Variants in PSMC1 observed in about 807,000 individuals in gnomAD.
The protein encoded by PSMC1 is 26S proteasome regulatory subunit 4.
Under a neutral mutation model 49.8 loss-of-function variants are expected in PSMC1, and 5 were observed. The ratio of observed to expected loss-of-function variants is 0.10; its 90% CI spans 0.05 to 0.21. The LOEUF is 0.21. Among genes scored for constraint, PSMC1 ranks in the 10% least tolerant of loss-of-function variants. The pLI is 1.00. For synonymous variants in PSMC1, 155 were observed against 192.1 expected (o/e 0.81, Z 1.60); for missense variants, 181 against 535.7 (o/e 0.34, Z 6.54).
intron 1 of PSMC1, among the ~76,000 whole-genome samples, chr14:90,256,804 G>A (rs1166164589): frequency 6.6e-6 from 1 of 152,208 alleles, no homozygotes; most frequent in African/African-American, 2.4e-5. Context: ...GGCCTTGCCC[G>A]GGGATCCTGG....
Position 90,259,210 on chromosome 14 carries a change from C to T in PSMC1, c.54C>T (p.Asp18=). The T allele has an allele frequency of 6.2e-7, 1 of 1,613,638 alleles. No individual in the cohort carries two copies. The highest frequency in any genetic ancestry group is 1.1e-5 in the South Asian group (1 of 91,026). Residue 18 remains aspartate (D), a synonymous_variant, in exon 2 of 11, where the codon GAC becomes GAT. Coordinates refer to ENST00000261303, the MANE Select transcript of PSMC1 (RefSeq NM_002802.3). The part of the protein sequence containing the change: ...GHGPGGGKKD[D]KDKKKKYEPP... The stretch of plus-strand genomic sequence containing the variant: ...GTCCTGGAGGTGGCAAGAAGGATGA[C>T]AAGGTAAATATGCCAGATTTGTCCT...
chr14:90,262,040 A>G (rs1428876610), intron 3 of PSMC1, among the ~76,000 whole-genome samples: 7 of 151,060 alleles, frequency 4.6e-5, no homozygotes, highest in African/African-American at 1.5e-4. Flanking sequence ...TGAGCAAGCT[A>G]TTGTAAGGAC....
rs1490611883 is a variant in PSMC1 at position 90,273,607 on chromosome 14, TA to T, written c.*1201del. The T allele has an allele frequency of 6.6e-6, 1 of 152,418 alleles. No homozygotes were observed. Among genetic ancestry groups the T allele is most frequent in the Non-Finnish European group, 1.5e-5 (1 of 68,190 alleles). 9.4% of individuals were successfully genotyped at this position (152,418 alleles called of 1,614,324 possible). ...AAACCACAATTTTATCTCAGTTCTG[TA>T]GGTCAGAAGTCCAACACGAGTGTCT... is the stretch of plus-strand genomic sequence containing the variant. On this transcript the variant is annotated 3_prime_UTR_variant, in exon 11 of 11. Transcript: ENST00000261303.
In PSMC1 at chr14:90,269,376, TC is replaced by T; in HGVS notation, c.882-18del. The T allele has an allele frequency of 3.2e-6, 5 of 1,557,110 alleles. No individual in the cohort carries two copies. The highest frequency in any genetic ancestry group is 2.4e-5 in the East Asian group (1 of 42,092). ...GGCGATCAGTTGAGTCTTCATTCCT[TC>T]CCTTTTTTTTTTTCCAAAGATATGA... On this transcript the variant is annotated intron_variant, in intron 8 of 10. Coordinates refer to ENST00000261303, the MANE Select transcript of PSMC1 (RefSeq NM_002802.3).
In PSMC1 at chr14:90,264,142, G is replaced by A. The variant is rs1344485939; in HGVS notation, c.567G>A (p.Gly189=). The A allele has an allele frequency of 3.5e-5, 57 of 1,611,740 alleles. No individual in the cohort carries two copies. Among genetic ancestry groups the A allele is most frequent in the Non-Finnish European group, 4.7e-5 (55 of 1,179,540 alleles). The part of the protein sequence containing the change: ...APQETYADIG[G]LDNQIQEIKE... ...AGGAGACCTATGCAGATATTGGGGG[G>A]TTGGACAACCAAATTCAGGAAATTA... Residue 189 remains glycine, a synonymous_variant, in exon 6 of 11, where the codon GGG becomes GGA. Transcript: ENST00000261303.
At chr14:90,268,644 G>A (rs1188101626) in intron 8 of PSMC1, 6 of 465,786 alleles carry the variant, frequency 1.3e-5, no homozygotes, top group Admixed American at 3.8e-5. Flanking sequence ...TTGAGCACCC[G>A]CCCTGATCCA....
At position 90,272,930 on chromosome 14, in the gene PSMC1, T is replaced by C. The variant is rs1243020232; in HGVS notation, c.*523T>C. ...GAAGTTTTGTGGACCATGCATGTTC[T>C]TAGCACTCTGAGGGCAGAAAATAAC... On this transcript the variant is annotated 3_prime_UTR_variant, in exon 11 of 11. Transcript: ENST00000261303. The surrounding 1 kb of genome is among the most constrained non-coding windows in gnomAD (Gnocchi z 4.5). 6.6e-6 allele frequency: 1 copy of C among 152,404 alleles called. No individual in the cohort carries two copies. Among genetic ancestry groups the C allele is most frequent in the Non-Finnish European group, 1.5e-5 (1 of 68,162 alleles). The allele number at this position is 152,404 out of a possible 1,614,324, so 9.4% of individuals were successfully genotyped here. A position where few individuals can be genotyped will look rare whatever the true frequency, so the allele number is the denominator to read the frequency against.
rs766842491 is a variant in PSMC1, at chr14:90,263,729, T to C, written c.347T>C (p.Ile116Thr). 4 of 1,611,826 alleles carry C rather than the reference T, an allele frequency of 2.5e-6. No homozygotes were observed. The highest frequency in any genetic ancestry group is 1.1e-5 in the South Asian group (1 of 91,038). Reference protein sequence around the residue: ...PMSVGTLEEIIDDNHAIVSTS... With the variant: ...PMSVGTLEEITDDNHAIVSTS... Reference sequence around the variant, plus strand: ...TCAGTAGGAACCTTGGAAGAGATCATTGATGACAATCATGCCATCGTGTCT... The same window carrying C: ...TCAGTAGGAACCTTGGAAGAGATCACTGATGACAATCATGCCATCGTGTCT... Residue 116 changes from isoleucine (I) to threonine (T), a missense_variant, in exon 5 of 11, where the codon ATT becomes ACT. Physicochemically the swap from Ile to Thr is moderately conservative, Grantham distance 89. This residue lies in a region of PSMC1 where 121 missense variants were observed against 358.6 expected (regional missense o/e 0.34). Coordinates refer to ENST00000261303, the MANE Select transcript of PSMC1 (RefSeq NM_002802.3).
intron 10 of PSMC1, chr14:90,271,357 C>G (rs1325148374): frequency 3.3e-5 from 5 of 152,144 alleles, no homozygotes; most frequent in African/African-American, 1.2e-4. Flanking sequence ...CTGTCCTTCT[C>G]TATCTATTTC....
At chr14:90,257,328 G>A (rs1891314094) in intron 1 of PSMC1, among the ~76,000 whole-genome samples, 2 of 152,106 alleles carry the variant, frequency 1.3e-5, no homozygotes, top group Non-Finnish European at 2.9e-5. Context: ...TCAGAAATAT[G>A]TAATATGATG....
chr14:90,269,535 A>C lies in PSMC1; in HGVS notation c.1020A>C (p.Ala340=). The C allele has an allele frequency of 6.2e-7, 1 of 1,613,850 alleles. No individual in the cohort carries two copies. Among genetic ancestry groups the C allele is most frequent in the African/African-American group, 1.3e-5 (1 of 75,046 alleles). Residue 340 remains alanine, a synonymous_variant, in exon 9 of 11, where the codon GCA becomes GCC. Transcript: ENST00000261303. ...ACCGAATAGAAACTTTGGATCCAGC[A>C]CTTATCAGACCAGGTTAAATTTGCT... ...ATNRIETLDP[A]LIRPGRIDRK... is the part of the protein sequence containing the mutation.
chr14:90,258,866 C>T (rs1271021098), intron 1 of PSMC1, among the ~76,000 whole-genome samples: 1 of 152,196 alleles, frequency 6.6e-6, no homozygotes, highest in Non-Finnish European at 1.5e-5. Flanking sequence ...GATCTTAAGA[C>T]TCTCAGCCTC....
chr14:90,264,430 T>C (rs74594609), intron 6 of PSMC1, among the ~76,000 whole-genome samples: 1,795 of 152,328 alleles, frequency 0.012, 41 homozygotes, highest in African/African-American at 0.041. Context: ...TGTGTGAATA[T>C]GTAATGTTTC....
At position 90,273,579 on chromosome 14, in the gene PSMC1, T is replaced by TA. The variant is rs1394056599; in HGVS notation, c.*1177dup. The TA allele has an allele frequency of 2.0e-5, 3 of 152,098 alleles. No individual in the cohort carries two copies. Among genetic ancestry groups the TA allele is most frequent in the South Asian group, 2.1e-4 (1 of 4,820 alleles). The allele number at this position is 152,098 out of a possible 1,614,324, so 9.4% of individuals were successfully genotyped here. A position where few individuals can be genotyped will look rare whatever the true frequency, so the allele number is the denominator to read the frequency against. On this transcript the variant is annotated 3_prime_UTR_variant, in exon 11 of 11. Coordinates refer to ENST00000261303, the MANE Select transcript of PSMC1 (RefSeq NM_002802.3). The stretch of plus-strand genomic sequence containing the variant: ...TCTCAAAAATAAATAAATAAATAAA[T>TA]AAAAACCACAATTTTATCTCAGTTC...
chr14:90,272,077 A>T lies in PSMC1; in HGVS notation c.1189-196A>T. 1 of 419,136 alleles carries T rather than the reference A, an allele frequency of 2.4e-6. No homozygotes were observed. The highest frequency in any genetic ancestry group is 4.4e-6 in the Non-Finnish European group (1 of 226,322). 26.0% of individuals were successfully genotyped at this position (419,136 alleles called of 1,614,324 possible). ...CTGGCTAACTTTTTGTATTTTTAGT[A>T]GAGATGGGGTTTCACCGTGTTGGCC... is the stretch of plus-strand genomic sequence containing the variant. On this transcript the variant is annotated intron_variant, in intron 10 of 10. Coordinates refer to ENST00000261303, the MANE Select transcript of PSMC1 (RefSeq NM_002802.3). This position sits in a 1 kb window ranked among gnomAD's most constrained non-coding sequence, Gnocchi z 4.5.
chr14:90,265,759 T>G (rs535836190), intron 7 of PSMC1, among the ~76,000 whole-genome samples: 2 of 150,142 alleles, frequency 1.3e-5, no homozygotes, highest in East Asian at 3.9e-4. Flanking sequence ...TCCAAGAGGC[T>G]GAGGTAGGAG....
chr14:90,266,026 C>T (rs755421785), intron 7 of PSMC1, among the ~76,000 whole-genome samples: 4 of 151,980 alleles, frequency 2.6e-5, no homozygotes, highest in African/African-American at 9.7e-5. Context: ...GAGGTCAAGG[C>T]GGATGGATGA....
chr14:90,262,308 T>C (rs1241451277), intron 3 of PSMC1, among the ~76,000 whole-genome samples: 1 of 151,478 alleles, frequency 6.6e-6, no homozygotes, highest in East Asian at 1.9e-4. Context: ...AATAATAAAA[T>C]TAAAAAAATA....
chr14:90,256,908 G>A (rs1001133627), intron 1 of PSMC1, among the ~76,000 whole-genome samples: 1 of 152,204 alleles, frequency 6.6e-6, no homozygotes, highest in African/African-American at 2.4e-5. Context: ...CGCCGACCAG[G>A]GCTTTGCTGA....
Sources: gnomAD v4.1 joint callset for allele counts (sites outside exome capture counted in the v4.1 genomes callset) on GRCh38, gnomAD v4.1.1 for gene constraint, gnomAD v4.1.1 regional missense constraint, Gnocchi (gnomAD v3.1) non-coding constraint, MANE v1.5 for transcripts, NCBI Gene and HGNC (gene_info 2026-07-23, HGNC 2026-07-21) for gene names.